The following DCDC1 variants were observed in gnomAD, a reference collection of about 807,000 sequenced individuals.
The protein encoded by DCDC1 is doublecortin domain-containing protein 1.
DCDC1 carries 200 observed loss-of-function variants against 178.3 expected under a neutral mutation model. The ratio of observed to expected loss-of-function variants is 1.12; its 90% CI spans 1.00 to 1.26. The LOEUF (loss-of-function observed/expected upper bound fraction) is 1.26. Ranked by LOEUF, DCDC1 falls within the 50% of genes most tolerant of loss-of-function variation. The probability of loss-of-function intolerance (pLI) is 0.00; values close to 1 mark genes in which losing one functional copy is unlikely to be tolerated. For synonymous variants in DCDC1, 690 were observed against 604.8 expected (o/e 1.14, Z -2.07); for missense variants, 1,983 against 1,749.2 (o/e 1.13, Z -2.38).
At chr11:31,343,429 C>T (rs530410720) in intron 1 of DCDC1, among the ~76,000 whole-genome samples, 128 of 152,178 alleles carry the variant, frequency 8.4e-4, no homozygotes, top group African/African-American at 2.9e-3. Flanking sequence ...GCCTCAGCCT[C>T]GCAAGTAGCT....
chr11:31,126,022 A>C (rs1022403022), intron 11 of DCDC1, among the ~76,000 whole-genome samples: 1 of 152,146 alleles, frequency 6.6e-6, no homozygotes, highest in Non-Finnish European at 1.5e-5. Context: ...CCCATGTGCC[A>C]ATATGTATAA....
intron 20 of DCDC1, among the ~76,000 whole-genome samples, chr11:31,050,794 G>C (rs1393308673): frequency 4.6e-5 from 7 of 152,204 alleles, no homozygotes; most frequent in African/African-American, 1.7e-4. Flanking sequence ...TACATCTATA[G>C]GAAAAGGGGG....
intron 38 of DCDC1, among the ~76,000 whole-genome samples, chr11:30,875,476 TTG>T (rs1269702254): frequency 1.3e-5 from 2 of 152,074 alleles, no homozygotes; most frequent in South Asian, 2.1e-4. Context: ...TAACGCAGAT[TTG>T]TGTGTTTTGA....
chr11:31,141,889 C>T (rs902353274), intron 9 of DCDC1, among the ~76,000 whole-genome samples: 1 of 152,222 alleles, frequency 6.6e-6, no homozygotes, highest in Non-Finnish European at 1.5e-5. Context: ...CGAAATCAAT[C>T]ATTTGTCCAG....
chr11:30,908,689 C>A (rs1033558987), intron 29 of DCDC1, among the ~76,000 whole-genome samples: 1 of 152,086 alleles, frequency 6.6e-6, no homozygotes, highest in Admixed American at 6.6e-5. Flanking sequence ...AGTCTCTCTA[C>A]TTTAGAATAT....
intron 22 of DCDC1, among the ~76,000 whole-genome samples, chr11:30,926,759 A>T (rs1015341126): frequency 6.6e-6 from 1 of 152,350 alleles, no homozygotes; most frequent in African/African-American, 2.4e-5. Flanking sequence ...TAAAGCAATT[A>T]AACAGATAAT....
intron 17 of DCDC1, among the ~76,000 whole-genome samples, chr11:31,090,673 C>T (rs1169218710): frequency 3.9e-5 from 6 of 152,108 alleles, no homozygotes. Context: ...GAGAAAACTT[C>T]CCTTCTGTAT....
intron 9 of DCDC1, among the ~76,000 whole-genome samples, chr11:31,207,576 T>A (rs1435714043): frequency 2.0e-5 from 3 of 152,206 alleles, no homozygotes; most frequent in Non-Finnish European, 4.4e-5. Flanking sequence ...ATGAACTGTC[T>A]ATTCTCCTGA....
chr11:31,043,559 A>G (rs1001222349), intron 20 of DCDC1, among the ~76,000 whole-genome samples: 3 of 152,176 alleles, frequency 2.0e-5, no homozygotes, highest in African/African-American at 7.2e-5. Context: ...ATTACCTGTA[A>G]CTAAGAGAAC....
chr11:30,971,603 G>GTTTTTT (rs71060475), intron 20 of DCDC1, among the ~76,000 whole-genome samples: 39 of 83,568 alleles, frequency 4.7e-4, no homozygotes, highest in East Asian at 1.2e-3. Flanking sequence ...ACAGGCCTTT[G>GTTTTTT]TTTTTTTTTT....
chr11:31,270,555 TCAA>T (rs1181753041), intron 7 of DCDC1, among the ~76,000 whole-genome samples: 1 of 152,166 alleles, frequency 6.6e-6, no homozygotes, highest in Admixed American at 6.5e-5. Context: ...TCTCCCCTGA[TCAA>T]CAAATTTGAC....
chr11:31,306,323 T>A lies in DCDC1; in HGVS notation c.500A>T (p.His167Leu), dbSNP rs1948457092. The A allele has an allele frequency of 1.2e-6, 2 of 1,610,848 alleles. No homozygotes were observed. Residue 167 changes from histidine to leucine, a missense_variant, in exon 5 of 39, where the codon CAC becomes CTC. Coordinates refer to ENST00000684477, the MANE Select transcript of DCDC1 (RefSeq NM_001387274.1). ...ARNWQKLSQR[H>L]KLQPRVIKVT... ...TTTAATCACTCTTGGTTGAAGTTTGTGTCTTTGAGACAATTTCTGCCAATT... is the reference window on the plus strand; with the variant it reads ...TTTAATCACTCTTGGTTGAAGTTTGAGTCTTTGAGACAATTTCTGCCAATT...
chr11:30,997,724 A>C (rs2134993920), intron 20 of DCDC1, among the ~76,000 whole-genome samples: 1 of 152,326 alleles, frequency 6.6e-6, no homozygotes, highest in East Asian at 1.9e-4. Context: ...TAACCAAGAC[A>C]GGAATGTTAG....
intron 9 of DCDC1, among the ~76,000 whole-genome samples, chr11:31,223,829 G>A (rs940894809): frequency 1.1e-4 from 16 of 151,952 alleles, no homozygotes; most frequent in Non-Finnish European, 1.3e-4. Flanking sequence ...AAATATGAAC[G>A]TATATGCTTT....
intron 1 of DCDC1, among the ~76,000 whole-genome samples, chr11:31,349,171 C>G (rs1175852402): frequency 6.6e-6 from 1 of 152,180 alleles, no homozygotes; most frequent in Non-Finnish European, 1.5e-5. Context: ...TACGGTAAAT[C>G]TAGCTATCTA....
chr11:31,051,109 T>C (rs1190342550), intron 20 of DCDC1, among the ~76,000 whole-genome samples: 2 of 152,050 alleles, frequency 1.3e-5, no homozygotes, highest in African/African-American at 4.8e-5. Context: ...GGAGAAATAT[T>C]CATGGAAATA....
intron 3 of DCDC1, among the ~76,000 whole-genome samples, chr11:31,315,346 C>G (rs1006740296): frequency 4.6e-5 from 5 of 107,748 alleles, no homozygotes; most frequent in African/African-American, 1.4e-4. Context: ...GAGACAGAGT[C>G]TCGCTCTGTC....
chr11:31,242,764 T>C (rs1443948982), intron 8 of DCDC1, among the ~76,000 whole-genome samples: 2 of 151,884 alleles, frequency 1.3e-5, no homozygotes, highest in South Asian at 2.1e-4. Flanking sequence ...AGAGGCTGAG[T>C]TATGCAAATA....
In DCDC1 at chr11:31,103,711, C is replaced by T; in HGVS notation, c.1810G>A (p.Gly604Ser). 2.6e-6 allele frequency: 2 copies of T among 765,814 alleles called. No homozygotes were observed. The highest frequency in any genetic ancestry group is 4.8e-6 in the Non-Finnish European group (2 of 417,666). The allele number at this position is 765,814 out of a possible 1,614,324, so 47.4% of individuals were successfully genotyped here. The stretch of plus-strand genomic sequence containing the variant: ...GTCTTATATGCAACCATGATATCAC[C>T]TCTGGCAAATGCACTCACTCGGTCA... ...TFDRVSAFAR[G>S]DIMVAYKTFL... The change falls in exon 14 of 39, where the codon GGT becomes AGT. Residue 604 changes from glycine (G) to serine (S), a missense_variant. Gly to Ser is a moderately conservative substitution (Grantham distance 56). Transcript: ENST00000684477.
Sources: allele counts gnomAD v4.1 joint callset (sites outside exome capture counted in the v4.1 genomes callset), GRCh38; gene constraint gnomAD v4.1.1; transcripts MANE v1.5; gene names NCBI Gene and HGNC (gene_info 2026-07-23, HGNC 2026-07-21).